Variants in UBE2D4 observed in about 807,000 individuals in gnomAD.
UBE2D4 encodes the protein ubiquitin-conjugating enzyme E2 D4.
A neutral mutation model predicts 23.0 loss-of-function variants in UBE2D4; 17 were observed. The ratio of observed to expected loss-of-function variants is 0.74; its 90% CI spans 0.51 to 1.11. UBE2D4 has a LOEUF of 1.11. Ranked by LOEUF, UBE2D4 falls within the 50% of genes least tolerant of loss-of-function variation. UBE2D4 has a pLI of 0.00. For missense variants in UBE2D4, 139 were observed against 181.8 expected (o/e 0.76, Z 1.35); for synonymous variants, 61 against 69.4 (o/e 0.88, Z 0.60).
At chr7:43,938,541 AC>A (rs746346474) in intron 2 of UBE2D4, 47 bp downstream of exon 2, 1 of 1,591,228 alleles carries the variant, frequency 6.3e-7, no homozygotes, top group Non-Finnish European at 8.6e-7. Context: ...TTTAATTAAG[AC>A]CCCCCAACTT....
chr7:43,952,356 A>T (rs1315169097), intron 6 of UBE2D4: 1 of 339,066 alleles, frequency 2.9e-6, no homozygotes, highest in Non-Finnish European at 5.7e-6. Flanking sequence ...ATTGTAGGAC[A>T]GGAGAAAGAA....
intron 6 of UBE2D4, among the ~76,000 whole-genome samples, chr7:43,950,917 C>T (rs2132803040): frequency 6.6e-6 from 1 of 152,372 alleles, no homozygotes; most frequent in Admixed American, 6.5e-5. Context: ...AGCAGTTCCC[C>T]TCCTGGATAA....
At chr7:43,932,667 C>A (rs1466241118) in intron 1 of UBE2D4, among the ~76,000 whole-genome samples, 1 of 151,888 alleles carries the variant, frequency 6.6e-6, no homozygotes, top group African/African-American at 2.4e-5. Flanking sequence ...TTAGTAGGTG[C>A]CTGTAATCTC....
intron 1 of UBE2D4, among the ~76,000 whole-genome samples, chr7:43,933,077 A>G (rs1026619269): frequency 2.0e-5 from 3 of 147,956 alleles, no homozygotes; most frequent in African/African-American, 7.4e-5. Flanking sequence ...ACACATATAT[A>G]TACACATATG....
chr7:43,952,487 C>T (rs573927317), intron 6 of UBE2D4, 163 bp from the exon 7 acceptor site: 38 of 668,340 alleles, frequency 5.7e-5, no homozygotes, highest in African/African-American at 3.5e-4. Context: ...GTCTGATGTG[C>T]TCCTGCTCCA....
Position 43,942,846 on chromosome 7 carries a change from A to G in UBE2D4, c.109A>G (p.Ile37Val). The G allele has an allele frequency of 6.2e-7, 1 of 1,614,194 alleles. No homozygotes were observed. Among genetic ancestry groups the G allele is most frequent in the Non-Finnish European group, 8.5e-7 (1 of 1,180,036 alleles). ...GDDLFHWQAT[I>V]MGPNDSPYQG... Reference sequence around the variant, plus strand: ...TGTAGTGTTCCACTGGCAGGCCACCATCATGGGCCCGGTAGGTAGTAGCTG... The same window carrying G: ...TGTAGTGTTCCACTGGCAGGCCACCGTCATGGGCCCGGTAGGTAGTAGCTG... Residue 37 changes from isoleucine to valine, a missense_variant, in exon 3 of 7, where the codon ATC (isoleucine) becomes GTC (valine). Transcript: ENST00000222402.
At chr7:43,933,009 TATATACACACAC>T (rs1585857947) in intron 1 of UBE2D4, among the ~76,000 whole-genome samples, 2 of 129,006 alleles carry the variant, frequency 1.6e-5, no homozygotes, top group South Asian at 2.5e-4. Flanking sequence ...TATATATATA[TATATACACACAC>T]ATATATATAC....
At position 43,950,821 on chromosome 7, in the gene UBE2D4, TG is replaced by T. The variant is rs976588158; in HGVS notation, c.398+130del. 26 of 738,288 alleles carry T rather than the reference TG, an allele frequency of 3.5e-5. No individual in the cohort carries two copies. In the Admixed American group the frequency reaches 5.6e-4, roughly 16 times the overall value. 45.7% of individuals were successfully genotyped at this position (738,288 alleles called of 1,614,324 possible). ...ACATCTTCCTGCCCATGCTGAGCCA[TG>T]TGCACAGAGGGTGTGCCCTGGGCTT... is the stretch of plus-strand genomic sequence containing the variant. On this transcript the variant is annotated intron_variant, in intron 6 of 6. Coordinates refer to ENST00000222402, the MANE Select transcript of UBE2D4 (RefSeq NM_015983.4).
chr7:43,934,776 T>C (rs1200918107), intron 1 of UBE2D4, among the ~76,000 whole-genome samples: 1 of 152,180 alleles, frequency 6.6e-6, no homozygotes, highest in African/African-American at 2.4e-5. Flanking sequence ...TTGTGAAATA[T>C]TCTACATTCT....
At chr7:43,942,590 T>G in intron 2 of UBE2D4, 1 of 616,590 alleles carries the variant, frequency 1.6e-6, no homozygotes, top group South Asian at 1.9e-5. Context: ...GATGTTAACC[T>G]ATGTTGTTTC....
At chr7:43,941,742 A>C (rs372511439) in intron 2 of UBE2D4, 3 of 152,240 alleles carry the variant, frequency 2.0e-5, no homozygotes, top group African/African-American at 7.2e-5. Flanking sequence ...AATTCTGTGC[A>C]AAGAACTGAC....
chr7:43,952,042 A>G (rs2096003770), intron 6 of UBE2D4: 2 of 152,208 alleles, frequency 1.3e-5, no homozygotes, highest in South Asian at 4.1e-4. Flanking sequence ...ATCAAGTGTC[A>G]TTACAATGAT....
At chr7:43,945,721 A>G (rs2095984802) in intron 4 of UBE2D4, among the ~76,000 whole-genome samples, 1 of 151,506 alleles carries the variant, frequency 6.6e-6, no homozygotes, top group Admixed American at 6.6e-5. Context: ...TGCATCCTCC[A>G]TCTAGACTAA....
At chr7:43,952,006 ATC>A (rs772142561) in intron 6 of UBE2D4, 1 of 152,112 alleles carries the variant, frequency 6.6e-6, no homozygotes, top group Non-Finnish European at 1.5e-5. Flanking sequence ...GTAACTATAA[ATC>A]TCTCTAATTT....
At chr7:43,933,019 C>A (rs1339716560) in intron 1 of UBE2D4, among the ~76,000 whole-genome samples, 1 of 101,338 alleles carries the variant, frequency 9.9e-6, no homozygotes, top group Non-Finnish European at 2.0e-5. Context: ...TATATACACA[C>A]ACATATATAT....
At position 43,954,657 on chromosome 7, in the gene UBE2D4, G is replaced by A. The variant is rs952277474; in HGVS notation, c.*1962G>A. ...AAGCTTAATAGTTGGGGAGAATGCT[G>A]TTACCAGTGTCCTCTAGGAAGGCTG... is the stretch of plus-strand genomic sequence containing the variant. On this transcript the variant is annotated 3_prime_UTR_variant, in exon 7 of 7. Transcript: ENST00000222402. 1 of 152,194 alleles carries A rather than the reference G, an allele frequency of 6.6e-6. No homozygotes were observed. The highest frequency in any genetic ancestry group is 1.5e-5 in the Non-Finnish European group (1 of 68,040). The allele number at this position is 152,194 out of a possible 1,614,324, so 9.4% of individuals were successfully genotyped here. A position where few individuals can be genotyped will look rare whatever the true frequency, so the allele number is the denominator to read the frequency against.
At chr7:43,939,503 T>G (rs996191902) in intron 2 of UBE2D4, among the ~76,000 whole-genome samples, 3 of 152,206 alleles carry the variant, frequency 2.0e-5, no homozygotes, top group Non-Finnish European at 4.4e-5. Context: ...CTGTGAGGCT[T>G]CAGTAACTGC....
At chr7:43,927,866 G>T in intron 1 of UBE2D4, 1 of 344,264 alleles carries the variant, frequency 2.9e-6, no homozygotes. Context: ...CACTCAATAC[G>T]AGTTAGCTGC....
intron 1 of UBE2D4, among the ~76,000 whole-genome samples, chr7:43,927,362 G>C (rs2095934456): frequency 6.7e-6 from 1 of 150,146 alleles, no homozygotes; most frequent in Admixed American, 6.6e-5. Context: ...GCCCAGGCTG[G>C]AGTACAGTGG....
Sources: gnomAD v4.1 joint callset for allele counts (sites outside exome capture counted in the v4.1 genomes callset) on GRCh38, gnomAD v4.1.1 for gene constraint, MANE v1.5 for transcripts, NCBI Gene and HGNC (gene_info 2026-07-23, HGNC 2026-07-21) for gene names.